Variants in MYH13 observed in about 807,000 individuals in gnomAD.
The protein encoded by MYH13 is myosin heavy chain 13.
Under a neutral mutation model 232.1 loss-of-function variants are expected in MYH13, and 177 were observed. The ratio of observed to expected loss-of-function variants is 0.76; its 90% CI spans 0.67 to 0.86. MYH13 has a LOEUF of 0.86. Among genes scored for constraint, MYH13 ranks in the 40% least tolerant of loss-of-function variants. The pLI is 0.00. For synonymous variants in MYH13, 884 were observed against 923.5 expected (o/e 0.96, Z 0.78); for missense variants, 2,246 against 2,405.9 (o/e 0.93, Z 1.39).
At chr17:10,318,742 C>CCGT (rs1406642172) in intron 27 of MYH13, 48 bp downstream of exon 27, 12 of 1,605,558 alleles carry the variant, frequency 7.5e-6, no homozygotes, top group Non-Finnish European at 9.4e-6. Flanking sequence ...GGGCAGGTGG[C>CCGT]CGTCGGCTGC....
intron 16 of MYH13, among the ~76,000 whole-genome samples, chr17:10,340,823 A>G (rs959275018): frequency 6.6e-6 from 1 of 151,946 alleles, no homozygotes; most frequent in African/African-American, 2.4e-5. Flanking sequence ...AAATGCCCCC[A>G]AACTACCCAG....
chr17:10,324,100 G>C lies in MYH13; in HGVS notation c.2856C>G (p.Ser952=), dbSNP rs1907107069. 6.2e-7 allele frequency: 1 copy of C among 1,613,916 alleles called. No individual in the cohort carries two copies. Among genetic ancestry groups the C allele is most frequent in the Non-Finnish European group, 8.5e-7 (1 of 1,179,914 alleles). ...GGTCATCAATGTCTCTCTTGAGAGAGGAGCATTTATCTTCCAGATTCCTCT... is the reference window on the plus strand; with the variant it reads ...GGTCATCAATGTCTCTCTTGAGAGACGAGCATTTATCTTCCAGATTCCTCT... The part of the protein sequence containing the change: ...AKKRNLEDKC[S]SLKRDIDDLE... The change falls in exon 23 of 41, where the codon TCC becomes TCG. Residue 952 remains serine, a synonymous_variant. Coordinates refer to ENST00000252172, the MANE Select transcript of MYH13 (RefSeq NM_003802.3).
At position 10,311,097 on chromosome 17, in the gene MYH13, A is replaced by T. The variant is rs779570368; in HGVS notation, c.4656+6T>A. ...AATTTCTGAATGTCATATCCTAGAC[A>T]CTTACCTCCACTTCTTCTAAGGCGA... On this transcript the variant is annotated splice_donor_region_variant and intron_variant, in intron 33 of 40. Coordinates refer to ENST00000252172, the MANE Select transcript of MYH13 (RefSeq NM_003802.3). 75 of 1,613,834 alleles carry T rather than the reference A, an allele frequency of 4.6e-5. No homozygotes were observed. Among genetic ancestry groups the T allele is most frequent in the Middle Eastern group, 1.7e-4 (1 of 6,058 alleles).
rs752822859 is a variant in MYH13, at chr17:10,313,276, GCTC to G, written c.4060_4062del (p.Glu1354del). ...CTCTGCAGCTCGGCCTTGGCTTCCT[GCTC>G]CTCCTCATACTGTTCCCGCAGCAGG... On this transcript the variant is annotated inframe_deletion, in exon 30 of 41. Coordinates refer to ENST00000252172, the MANE Select transcript of MYH13 (RefSeq NM_003802.3). The G allele has an allele frequency of 1.2e-6, 2 of 1,614,234 alleles. No individual in the cohort carries two copies. Among genetic ancestry groups the G allele is most frequent in the Admixed American group, 3.3e-5 (2 of 60,036 alleles).
Position 10,309,456 on chromosome 17 carries a change from G to A in MYH13, c.4966-19C>T, listed in dbSNP as rs573089865. Reference sequence around the variant, plus strand: ...GGGAGTCCTGCAGGGGAGACCCAGAGTGAGGCCAGAGCCGCCTGGCAGGCT... The same window carrying A: ...GGGAGTCCTGCAGGGGAGACCCAGAATGAGGCCAGAGCCGCCTGGCAGGCT... On this transcript the variant is annotated intron_variant, in intron 34 of 40. Coordinates refer to ENST00000252172, the MANE Select transcript of MYH13 (RefSeq NM_003802.3). 2.5e-6 allele frequency: 4 copies of A among 1,599,926 alleles called. No homozygotes were observed. Among genetic ancestry groups the A allele is most frequent in the African/African-American group, 2.7e-5 (2 of 74,662 alleles).
chr17:10,330,982 A>G (rs979609582), intron 20 of MYH13, among the ~76,000 whole-genome samples: 73 of 151,882 alleles, frequency 4.8e-4, no homozygotes, highest in Non-Finnish European at 1.3e-4. Context: ...GCACCATTGC[A>G]CTCCAGCCTG....
intron 22 of MYH13, among the ~76,000 whole-genome samples, chr17:10,326,922 T>A (rs12938606): frequency 7.0e-6 from 1 of 143,446 alleles, no homozygotes; most frequent in Non-Finnish European, 1.5e-5. Flanking sequence ...CTCAGGTGAT[T>A]CTCCCACCTC....
chr17:10,363,297 C>T (rs1238647589), intron 3 of MYH13, among the ~76,000 whole-genome samples: 1 of 108,540 alleles, frequency 9.2e-6, no homozygotes, highest in Non-Finnish European at 1.7e-5. Flanking sequence ...GCCTGGGCGA[C>T]ACAGTGAGAC....
chr17:10,343,505 C>T (rs2071635845), intron 16 of MYH13, among the ~76,000 whole-genome samples: 1 of 152,140 alleles, frequency 6.6e-6, no homozygotes, highest in Admixed American at 6.5e-5. Flanking sequence ...TGGCCAAAAC[C>T]ACTAAATAGA....
At chr17:10,312,903 C>A (rs924326698) in intron 30 of MYH13, 146 bp from the exon 31 acceptor site, 16 of 1,133,918 alleles carry the variant, frequency 1.4e-5, no homozygotes, top group African/African-American at 6.3e-5. Context: ...GGGGAGGATC[C>A]AAGTGTCACC....
In MYH13 at chr17:10,340,211, G is replaced by C; in HGVS notation, c.1995C>G (p.Asn665Lys). 1 of 1,614,030 alleles carries C rather than the reference G, an allele frequency of 6.2e-7. No homozygotes were observed. Among genetic ancestry groups the C allele is most frequent in the Non-Finnish European group, 8.5e-7 (1 of 1,179,938 alleles). The change falls in exon 18 of 41, where the codon AAC becomes AAG. Residue 665 changes from asparagine (N) to lysine (K), a missense_variant. Asn to Lys is a moderately conservative substitution (Grantham distance 94). Coordinates refer to ENST00000252172, the MANE Select transcript of MYH13 (RefSeq NM_003802.3). ...CAAAGTGAGGGTGGGTGCTCCTTAA[G>C]TTAGTCATCAATTTGTTTAAATTTT... is the stretch of plus-strand genomic sequence containing the variant. ...FRENLNKLMT[N>K]LRSTHPHFVR...
At chr17:10,303,002 C>T (rs1303604862) in intron 39 of MYH13, among the ~76,000 whole-genome samples, 194 bp downstream of exon 39, 1 of 151,522 alleles carries the variant, frequency 6.6e-6, no homozygotes, top group Non-Finnish European at 1.5e-5. Flanking sequence ...CAAGAGGGCA[C>T]AGAGATGGTG....
At chr17:10,320,066 A>G in intron 26 of MYH13, 87 bp downstream of exon 26, 1 of 957,420 alleles carries the variant, frequency 1.0e-6, no homozygotes, top group Non-Finnish European at 1.6e-6. Context: ...GAAGGAAAGA[A>G]GCAGCTAAAG....
rs746836223 is a variant in MYH13 at position 10,313,279 on chromosome 17, C to T, written c.4060G>A (p.Glu1354Lys). ...TGCAGCTCGGCCTTGGCTTCCTGCT[C>T]CTCCTCATACTGTTCCCGCAGCAGG... ...CDLLREQYEE[E>K]QEAKAELQRA... The change falls in exon 30 of 41, where the codon GAG becomes AAG. Residue 1354 changes from glutamate to lysine, a missense_variant. Glu to Lys is a moderately conservative substitution (Grantham distance 56). Coordinates refer to ENST00000252172, the MANE Select transcript of MYH13 (RefSeq NM_003802.3). 43 of 1,614,146 alleles carry T rather than the reference C, an allele frequency of 2.7e-5. 1 individual carries two copies. In the South Asian group the frequency reaches 2.9e-4, roughly 11 times the overall value.
chr17:10,313,075 G>A, intron 30 of MYH13, 83 bp downstream of exon 30: 1 of 1,590,762 alleles, frequency 6.3e-7, no homozygotes, highest in African/African-American at 1.3e-5. Context: ...GGGCAGGAAA[G>A]AATCTCTCAA....
chr17:10,322,695 G>T (rs188639297), intron 23 of MYH13, among the ~76,000 whole-genome samples: 1 of 143,780 alleles, frequency 7.0e-6, no homozygotes. Flanking sequence ...GTGCAGTGGC[G>T]CAGTCTCAGC....
At position 10,367,409 on chromosome 17, in the gene MYH13, C is replaced by T. The variant is rs370106396; in HGVS notation, c.-12-2867G>A. Among the ~76,000 whole-genome samples, 80 of 152,182 alleles carry T rather than the reference C, an allele frequency of 5.3e-4. No homozygotes were observed. The South Asian group carries it at 0.013, about 24-fold the overall frequency. On this transcript the variant is annotated intron_variant, in intron 2 of 40. Transcript: ENST00000252172. ...TGTCATCCAGGCTAGAGTATAGTGG[C>T]GCAATCTCAGCTCACTGCAACCTCC... is the stretch of plus-strand genomic sequence containing the variant.
chr17:10,324,541 G>T (rs1008261168), intron 22 of MYH13, among the ~76,000 whole-genome samples: 5 of 152,048 alleles, frequency 3.3e-5, no homozygotes, highest in Non-Finnish European at 7.4e-5. Flanking sequence ...TGCCTCCCAG[G>T]TTCTAGCGAT....
chr17:10,306,578 G>C lies in MYH13; in HGVS notation c.5347C>G (p.Leu1783Val). ...TCCAGGTTCTTCTTCATCCGCTCCA[G>C]GTGGGCGCTGGTGTCCTGTTCCTTC... ...LKKEQDTSAH[L>V]ERMKKNLEQT... Residue 1783 changes from leucine (L) to valine (V), a missense_variant, in exon 37 of 41, where the codon CTG (leucine) becomes GTG (valine). Transcript: ENST00000252172. This position sits in a 1 kb window ranked among gnomAD's most constrained non-coding sequence, Gnocchi z 4.3. 1 of 1,614,144 alleles carries C rather than the reference G, an allele frequency of 6.2e-7. No homozygotes were observed. The highest frequency in any genetic ancestry group is 8.5e-7 in the Non-Finnish European group (1 of 1,180,040).
Sources: allele counts gnomAD v4.1 joint callset (sites outside exome capture counted in the v4.1 genomes callset), GRCh38; gene constraint gnomAD v4.1.1; non-coding constraint Gnocchi (gnomAD v3.1); transcripts MANE v1.5; gene names NCBI Gene and HGNC (gene_info 2026-07-23, HGNC 2026-07-21).